The following PDK1 variants were observed in gnomAD, a reference collection of about 807,000 sequenced individuals.
PDK1 encodes the protein pyruvate dehydrogenase kinase 1.
In PDK1, 39 loss-of-function variants were observed where a neutral mutation model predicts 54.2. The ratio of observed to expected loss-of-function variants is 0.72; its 90% confidence interval spans 0.56 to 0.94. The LOEUF is 0.94. PDK1 is among the 40% of genes least tolerant of loss of function. PDK1 has a pLI of 0.00. For missense variants in PDK1, 552 were observed against 566.0 expected (o/e 0.98, Z 0.25); for synonymous variants, 221 against 207.1 (o/e 1.07, Z -0.58).
At chr2:172,622,705 TATA>T in the PDK1 span, among the ~76,000 whole-genome samples, 1 of 118,268 alleles carries the variant, frequency 8.5e-6, no homozygotes, top group Non-Finnish European at 2.0e-5. Flanking sequence ...TTATATCTCA[TATA>T]TTATGTGAGA....
intron 8 of PDK1, among the ~76,000 whole-genome samples, chr2:172,584,492 C>A (rs1690097913): frequency 1.3e-5 from 2 of 151,288 alleles, no homozygotes; most frequent in South Asian, 4.2e-4. Context: ...AATGTACTTT[C>A]TTTTACTTAA....
the PDK1 span, among the ~76,000 whole-genome samples, chr2:172,698,627 A>G: frequency 6.6e-6 from 1 of 152,242 alleles, no homozygotes; most frequent in Admixed American, 6.5e-5. Context: ...CCACCCCCAG[A>G]ACTTCTGATT....
rs575596402 is a variant in PDK1, at chr2:172,604,982, G to T, written c.*9013G>T. On this transcript the variant is annotated 3_prime_UTR_variant, in exon 11 of 11. Coordinates refer to ENST00000282077, the MANE Select transcript of PDK1 (RefSeq NM_002610.5). ...AGCAAGTATAAGATTCAAGATCTCA[G>T]CCCCAAAGATACATTTGTAGATGCC... 3.9e-5 allele frequency: 6 copies of T among 152,274 alleles called. No homozygotes were observed. The highest frequency in any genetic ancestry group is 8.8e-5 in the Non-Finnish European group (6 of 68,024). 9.4% of individuals were successfully genotyped at this position (152,274 alleles called of 1,614,324 possible).
chr2:172,723,340 CA>C, the PDK1 span: 7 of 152,144 alleles, frequency 4.6e-5, no homozygotes, highest in Non-Finnish European at 1.0e-4. Context: ...TGCATCCAAA[CA>C]AAATCTTAGC....
chr2:172,619,708 C>G, the PDK1 span, among the ~76,000 whole-genome samples: 1 of 152,078 alleles, frequency 6.6e-6, no homozygotes, highest in African/African-American at 2.4e-5. Flanking sequence ...GTGATGAGAT[C>G]CATGAAAGCT....
chr2:172,642,168 A>G, the PDK1 span, among the ~76,000 whole-genome samples: 1 of 152,126 alleles, frequency 6.6e-6, no homozygotes. Context: ...TGGAGCGTCT[A>G]TGGTGTTGTT....
At chr2:172,612,930 G>A (rs1004500586), downstream of PDK1, among the ~76,000 whole-genome samples, 2 of 152,166 alleles carry the variant, frequency 1.3e-5, no homozygotes, top group Admixed American at 1.3e-4. Context: ...AAAGTGCTGG[G>A]ATTACGGGCA....
chr2:172,650,402 A>G, the PDK1 span, among the ~76,000 whole-genome samples: 3 of 152,232 alleles, frequency 2.0e-5, no homozygotes, highest in African/African-American at 7.2e-5. Context: ...AAGACCATCA[A>G]TGCTAGCAAG....
intron 8 of PDK1, among the ~76,000 whole-genome samples, chr2:172,574,419 C>T (rs1689466825): frequency 6.6e-6 from 1 of 152,104 alleles, no homozygotes; most frequent in Non-Finnish European, 1.5e-5. Flanking sequence ...CTTGCATTTC[C>T]ATGGGTTTTA....
chr2:172,625,101 C>T, the PDK1 span, among the ~76,000 whole-genome samples: 41 of 152,184 alleles, frequency 2.7e-4, no homozygotes, highest in Admixed American at 1.7e-3. Flanking sequence ...GGAGCAGAAC[C>T]CACCTTCTCC....
the PDK1 span, among the ~76,000 whole-genome samples, chr2:172,622,280 C>CTCATATTATGTGAGATATGTTTATA: frequency 4.6e-4 from 59 of 127,210 alleles, 3 homozygotes; most frequent in African/African-American, 2.0e-3. Flanking sequence ...ATGTTTATAT[C>CTCATATTATGTGAGATATGTTTATA]TCATATATTA....
At chr2:172,556,005 G>A, upstream of PDK1, 1 of 514,312 alleles carries the variant, frequency 1.9e-6, no homozygotes. Context: ...GCGGCGCAGG[G>A]GGCCGGGCTC....
the PDK1 span, among the ~76,000 whole-genome samples, chr2:172,701,370 T>A: frequency 1.4e-4 from 21 of 152,226 alleles, no homozygotes; most frequent in Non-Finnish European, 2.9e-4. Flanking sequence ...AATGGGCAAC[T>A]GTCCAAATGA....
chr2:172,706,383 T>C, the PDK1 span, among the ~76,000 whole-genome samples: 1 of 152,146 alleles, frequency 6.6e-6, no homozygotes, highest in African/African-American at 2.4e-5. Flanking sequence ...AATTCCAACA[T>C]CTCTGTCATC....
At chr2:172,629,342 A>G in the PDK1 span, among the ~76,000 whole-genome samples, 1 of 152,060 alleles carries the variant, frequency 6.6e-6, no homozygotes, top group African/African-American at 2.4e-5. Context: ...CCCATCCTGT[A>G]CCCATGAAAA....
chr2:172,579,020 C>T (rs1347447155), intron 8 of PDK1, among the ~76,000 whole-genome samples: 3 of 152,198 alleles, frequency 2.0e-5, no homozygotes, highest in Non-Finnish European at 4.4e-5. Flanking sequence ...TTAGGGCCTT[C>T]TCAGTGTCTT....
chr2:172,638,356 C>T, the PDK1 span, among the ~76,000 whole-genome samples: 1 of 152,204 alleles, frequency 6.6e-6, no homozygotes, highest in Non-Finnish European at 1.5e-5. Context: ...TATCTTCTTG[C>T]TGACATACAT....
chr2:172,635,187 G>A, the PDK1 span, among the ~76,000 whole-genome samples: 1 of 152,074 alleles, frequency 6.6e-6, no homozygotes, highest in African/African-American at 2.4e-5. Context: ...TTACATGACT[G>A]CATATTTATT....
rs1690930567 is a variant in PDK1, at chr2:172,597,012, C to A, written c.*1043C>A. On this transcript the variant is annotated 3_prime_UTR_variant, in exon 11 of 11. Coordinates refer to ENST00000282077, the MANE Select transcript of PDK1 (RefSeq NM_002610.5). ...TCGAGGAGACAGAAACTGAATCCCA[C>A]ACCTGGTGCAATTAGAAGCATAATT... 1 of 152,156 alleles carries A rather than the reference C, an allele frequency of 6.6e-6. No individual in the cohort carries two copies. Among genetic ancestry groups the A allele is most frequent in the African/African-American group, 2.4e-5 (1 of 41,430 alleles). The allele number at this position is 152,156 out of a possible 1,614,324, so 9.4% of individuals were successfully genotyped here.
Sources: allele counts gnomAD v4.1 joint callset (sites outside exome capture counted in the v4.1 genomes callset), GRCh38; gene constraint gnomAD v4.1.1; transcripts MANE v1.5; gene names NCBI Gene and HGNC (gene_info 2026-07-23, HGNC 2026-07-21).